Variants in REV3L observed in about 807,000 individuals in gnomAD.
REV3L encodes DNA polymerase zeta catalytic subunit.
REV3L carries 69 observed loss-of-function variants against 299.4 expected under a neutral mutation model. The ratio of observed to expected loss-of-function variants is 0.23; its 90% CI spans 0.19 to 0.28. The LOEUF is 0.28. Among genes scored for constraint, REV3L ranks in the 10% least tolerant of loss-of-function variants. The pLI is 1.00. For missense variants in REV3L, 3,128 were observed against 3,693.8 expected, an observed-to-expected ratio of 0.85 and a Z score of 3.97; for synonymous variants, 1,238 against 1,271.4, an observed-to-expected ratio of 0.97 and a Z score of 0.56.
chr6:111,341,405 TACTTC>T (rs1282657279), intron 21 of REV3L, among the ~76,000 whole-genome samples: 3 of 152,194 alleles, frequency 2.0e-5, no homozygotes, highest in Non-Finnish European at 4.4e-5. Flanking sequence ...TGCTTTCTGT[TACTTC>T]ACTTCACTTC....
intron 21 of REV3L, among the ~76,000 whole-genome samples, chr6:111,338,312 C>CTTTTTTTTTTTTTTTTTTT (rs144497761): frequency 1.3e-4 from 6 of 47,940 alleles, no homozygotes; most frequent in African/African-American, 3.9e-4. Flanking sequence ...GTCTAAAGTC[C>CTTTTTTTTTTTTTTTTTTT]TTTTTTTTTT....
rs17511055 is a variant in REV3L, at chr6:111,363,366, C to T, written c.6879+487G>A. Among the ~76,000 whole-genome samples the T allele has an allele frequency of 3.4e-3, 518 of 152,100 alleles. 3 individuals are homozygous for T. Among genetic ancestry groups the T allele is most frequent in the African/African-American group, 0.012 (500 of 41,496 alleles). Reference sequence around the variant, plus strand: ...TGTAGCCCAGGCTGGAGTGTAGTGGCGCAATCACAGCTCACTGCACCCTCG... The same window carrying T: ...TGTAGCCCAGGCTGGAGTGTAGTGGTGCAATCACAGCTCACTGCACCCTCG... On this transcript the variant is annotated intron_variant, in intron 16 of 31. Transcript: ENST00000368802.
At chr6:111,461,122 C>T (rs904058055) in intron 1 of REV3L, among the ~76,000 whole-genome samples, 20 of 152,182 alleles carry the variant, frequency 1.3e-4, no homozygotes, top group African/African-American at 1.9e-4. Flanking sequence ...TGTAAAACAG[C>T]CTCAGGTAAG....
intron 11 of REV3L, among the ~76,000 whole-genome samples, chr6:111,379,472 T>G (rs1286906888): frequency 1.3e-5 from 2 of 152,230 alleles, no homozygotes; most frequent in Non-Finnish European, 2.9e-5. Flanking sequence ...GAGACTGATT[T>G]AGAAAACCAC....
At position 111,359,024 on chromosome 6, in the gene REV3L, C is replaced by A. The variant is rs1265114163; in HGVS notation, c.6880-10G>T. 6.3e-7 allele frequency: 1 copy of A among 1,590,636 alleles called. No homozygotes were observed. Among genetic ancestry groups the A allele is most frequent in the Non-Finnish European group, 8.6e-7 (1 of 1,165,722 alleles). On this transcript the variant is annotated splice_polypyrimidine_tract_variant and intron_variant, in intron 16 of 31. Coordinates refer to ENST00000368802, the MANE Select transcript of REV3L (RefSeq NM_001372078.1). ...GGGTAAGATTTTGTATCTATAAAAG[C>A]AAATAAATACTATGTTTTTAAAACA...
chr6:111,386,597 C>G (rs893200525), intron 9 of REV3L, among the ~76,000 whole-genome samples: 2 of 151,996 alleles, frequency 1.3e-5, no homozygotes, highest in African/African-American at 4.8e-5. Flanking sequence ...TTTTGCTTGG[C>G]AGAGGTAATC....
At chr6:111,388,988 C>G (rs1369471884) in intron 7 of REV3L, 118 bp downstream of exon 7, 10 of 698,824 alleles carry the variant, frequency 1.4e-5, no homozygotes, top group Non-Finnish European at 2.2e-5. Flanking sequence ...AAAATACATA[C>G]AAAATATAAA....
At chr6:111,433,139 T>C (rs1327232266) in intron 1 of REV3L, among the ~76,000 whole-genome samples, 2 of 151,904 alleles carry the variant, frequency 1.3e-5, no homozygotes, top group Non-Finnish European at 2.9e-5. Context: ...CTGAAGGAAC[T>C]AGAAAAAGAA....
intron 24 of REV3L, chr6:111,330,185 C>A: frequency 2.5e-6 from 1 of 408,160 alleles, no homozygotes; most frequent in South Asian, 1.7e-5. Flanking sequence ...CATTTATCTA[C>A]CTTGGAAGAA....
chr6:111,309,730 G>A (rs1326883109), intron 30 of REV3L, 123 bp downstream of exon 30: 20 of 1,061,406 alleles, frequency 1.9e-5, no homozygotes, highest in East Asian at 2.7e-5. Flanking sequence ...ATCATTTTAC[G>A]GGACCACACT....
At chr6:111,336,652 C>T (rs1775919304) in intron 21 of REV3L, among the ~76,000 whole-genome samples, 1 of 151,958 alleles carries the variant, frequency 6.6e-6, no homozygotes, top group Non-Finnish European at 1.5e-5. Flanking sequence ...ACCATATAAT[C>T]CACCAAAAAT....
At chr6:111,352,492 A>G (rs897100284) in intron 18 of REV3L, among the ~76,000 whole-genome samples, 8 of 152,068 alleles carry the variant, frequency 5.3e-5, no homozygotes, top group African/African-American at 1.9e-4. Context: ...GTATTTTGAA[A>G]AAGATCCCTA....
chr6:111,363,615 T>C (rs944931188), intron 16 of REV3L, among the ~76,000 whole-genome samples: 1 of 152,192 alleles, frequency 6.6e-6, no homozygotes, highest in Non-Finnish European at 1.5e-5. Flanking sequence ...ATTTCAGTTA[T>C]GAGATTTGTG....
At chr6:111,447,335 C>T (rs1172135761) in intron 1 of REV3L, among the ~76,000 whole-genome samples, 2 of 152,126 alleles carry the variant, frequency 1.3e-5, no homozygotes, top group African/African-American at 4.8e-5. Context: ...TTAGAAAACA[C>T]TTACAGAGAA....
intron 14 of REV3L, among the ~76,000 whole-genome samples, chr6:111,365,818 G>A (rs1562189414): frequency 6.6e-6 from 1 of 152,172 alleles, no homozygotes; most frequent in Non-Finnish European, 1.5e-5. Flanking sequence ...AATCTGAAGA[G>A]AGTAGTAACT....
intron 1 of REV3L, among the ~76,000 whole-genome samples, chr6:111,469,171 A>AAAAAC (rs1392325175): frequency 3.9e-5 from 6 of 152,140 alleles, no homozygotes; most frequent in African/African-American, 7.2e-5. Context: ...AACAACAACA[A>AAAAAC]AAAACAAAAC....
chr6:111,373,761 C>G lies in REV3L; in HGVS notation c.4594G>C (p.Glu1532Gln). 1 of 1,613,928 alleles carries G rather than the reference C, an allele frequency of 6.2e-7. No homozygotes were observed. Among genetic ancestry groups the G allele is most frequent in the Non-Finnish European group, 8.5e-7 (1 of 1,179,938 alleles). ...EGQSGLAVLK[E>Q]LLQKRQQKAQ... is the part of the protein sequence containing the mutation. ...TTCTGCTGTCTTTTTTGTAACAATT[C>G]TTTTAGAACTGCCAGTCCAGACTGT... Residue 1532 changes from glutamate (E) to glutamine (Q), a missense_variant, in exon 13 of 32, where the codon GAA (glutamate) becomes CAA (glutamine). Physicochemically the swap from Glu to Gln is conservative, Grantham distance 29. This residue lies in a region of REV3L where 2,409 missense variants were observed against 2,611.8 expected (regional missense o/e 0.92). Coordinates refer to ENST00000368802, the MANE Select transcript of REV3L (RefSeq NM_001372078.1).
At chr6:111,402,370 T>A (rs1044492873) in intron 4 of REV3L, among the ~76,000 whole-genome samples, 1 of 152,168 alleles carries the variant, frequency 6.6e-6, no homozygotes, top group African/African-American at 2.4e-5. Flanking sequence ...GGCTCCCACC[T>A]GCTGGGCAGG....
At position 111,299,980 on chromosome 6, in the gene REV3L, A is replaced by G; in HGVS notation, c.*36T>C. ...ACAACAGTTTAGTGGTAAGCACTGA[A>G]AAAAATAGCACCTGTAATACTGTGA... On this transcript the variant is annotated 3_prime_UTR_variant, in exon 32 of 32. Transcript: ENST00000368802. 6.3e-7 allele frequency: 1 copy of G among 1,590,710 alleles called. No individual in the cohort carries two copies. Among genetic ancestry groups the G allele is most frequent in the South Asian group, 1.2e-5 (1 of 86,772 alleles).
Sources: allele counts gnomAD v4.1 joint callset (sites outside exome capture counted in the v4.1 genomes callset), GRCh38; gene constraint gnomAD v4.1.1; regional missense constraint gnomAD v4.1.1; transcripts MANE v1.5; gene names NCBI Gene and HGNC (gene_info 2026-07-23, HGNC 2026-07-21).